The following ABCB5 variants were observed in gnomAD, a reference collection of about 807,000 sequenced individuals.
ABCB5 encodes ATP binding cassette subfamily B member 5, also known as ATP-binding cassette sub-family B member 5.
In ABCB5, 155 loss-of-function variants were observed where a neutral mutation model predicts 144.2. The observed-to-expected ratio is 1.08, with a 90% CI of 0.94 to 1.23. The LOEUF is 1.23. Among genes scored for constraint, ABCB5 ranks in the 50% most tolerant of loss-of-function variants. The pLI, the probability that ABCB5 is intolerant of heterozygous loss-of-function variation, is 0.00. For synonymous variants in ABCB5, 610 were observed against 528.6 expected (o/e 1.15, Z -2.11); for missense variants, 1,830 against 1,520.8 (o/e 1.20, Z -3.38).
intron 14 of ABCB5, among the ~76,000 whole-genome samples, chr7:20,676,167 TACACACAC>T (rs60855145): frequency 4.0e-5 from 5 of 124,524 alleles, no homozygotes; most frequent in South Asian, 2.4e-4. Flanking sequence ...CTACTACACA[TACACACAC>T]ACACACACAC....
Position 20,728,470 on chromosome 7 carries a change from T to C in ABCB5, c.2867+15T>C, listed in dbSNP as rs1361096518. The C allele has an allele frequency of 5.0e-6, 8 of 1,613,292 alleles. No homozygotes were observed. The highest frequency in any genetic ancestry group is 3.3e-5 in the South Asian group (3 of 91,050). On this transcript the variant is annotated intron_variant, in intron 23 of 27. Coordinates refer to ENST00000404938, the MANE Select transcript of ABCB5 (RefSeq NM_001163941.2). ...GGCATGTTCATGTAAGTCGTGGAAA[T>C]AGTCCGGACCTGGTAGCTCACACCT...
At chr7:20,655,643 G>C (rs1040277012) in intron 13 of ABCB5, among the ~76,000 whole-genome samples, 2 of 152,190 alleles carry the variant, frequency 1.3e-5, no homozygotes, top group Non-Finnish European at 2.9e-5. Context: ...ATATTATGCT[G>C]ATAGACATGA....
In ABCB5 at chr7:20,650,145, T is replaced by C; in HGVS notation, c.1330T>C (p.Phe444Leu). The part of the protein sequence containing the change: ...LQRLYDPDDG[F>L]IMVDENDIRA... Reference sequence around the variant, plus strand: ...GAGGTTATATGATCCGGATGATGGCTTTGTAAGTGCAGCTAGCAAAACCAT... The same window carrying C: ...GAGGTTATATGATCCGGATGATGGCCTTGTAAGTGCAGCTAGCAAAACCAT... Residue 444 changes from phenylalanine (F) to leucine (L), a missense_variant and splice_region_variant, in exon 12 of 28, where the codon TTT becomes CTT. By Grantham distance (22) the Phe-to-Leu change is conservative (BLOSUM62 0). Coordinates refer to ENST00000404938, the MANE Select transcript of ABCB5 (RefSeq NM_001163941.2). The C allele has an allele frequency of 6.2e-7, 1 of 1,613,380 alleles. No homozygotes were observed. Among genetic ancestry groups the C allele is most frequent in the Non-Finnish European group, 8.5e-7 (1 of 1,179,478 alleles).
chr7:20,731,293 C>T (rs543318490), intron 23 of ABCB5, among the ~76,000 whole-genome samples: 1 of 148,738 alleles, frequency 6.7e-6, no homozygotes, highest in South Asian at 2.1e-4. Flanking sequence ...GTGGAGGTTG[C>T]AGTGAGCCGA....
intron 23 of ABCB5, among the ~76,000 whole-genome samples, chr7:20,728,907 T>A (rs963354866): frequency 6.6e-6 from 1 of 152,186 alleles, no homozygotes; most frequent in Non-Finnish European, 1.5e-5. Context: ...TAAGTTGGAA[T>A]TTTTTTAAAT....
rs769927247 is a variant in ABCB5, at chr7:20,658,543, T to C, written c.1574T>C (p.Met525Thr). 2.5e-5 allele frequency: 40 copies of C among 1,614,024 alleles called. No homozygotes were observed. The highest frequency in any genetic ancestry group is 3.2e-5 in the Non-Finnish European group (38 of 1,180,022). The change falls in exon 14 of 28, where the codon ATG becomes ACG. Residue 525 changes from methionine to threonine, a missense_variant. Coordinates refer to ENST00000404938, the MANE Select transcript of ABCB5 (RefSeq NM_001163941.2). ...TTGGTAGGGGAAAAAGGAGCTCAAATGAGTGGAGGGCAGAAACAGAGGATC... is the reference window on the plus strand; with the variant it reads ...TTGGTAGGGGAAAAAGGAGCTCAAACGAGTGGAGGGCAGAAACAGAGGATC... ...NTLVGEKGAQ[M>T]SGGQKQRIAI...
chr7:20,705,283 T>A (rs1262873154), intron 20 of ABCB5, among the ~76,000 whole-genome samples: 1 of 152,226 alleles, frequency 6.6e-6, no homozygotes, highest in East Asian at 1.9e-4. Context: ...AAGAATTGTG[T>A]AATCATGACC....
chr7:20,731,101 T>A (rs1049822290), intron 23 of ABCB5, among the ~76,000 whole-genome samples: 1 of 151,918 alleles, frequency 6.6e-6, no homozygotes, highest in Non-Finnish European at 1.5e-5. Context: ...ATGCCTGTAG[T>A]CCCAACACTT....
chr7:20,727,057 G>A lies in ABCB5; in HGVS notation c.2643G>A (p.Leu881=). Residue 881 remains leucine, a synonymous_variant, in exon 22 of 28, where the codon TTG becomes TTA. Transcript: ENST00000404938. ...TTTATAAGATAGCAACTGAAGCTTT[G>A]GAGAATATACGTACTATAGTGTCAT... ...KHAGKIATEA[L]ENIRTIVSLT... is the part of the protein sequence containing the mutation. 1 of 1,611,730 alleles carries A rather than the reference G, an allele frequency of 6.2e-7. No individual in the cohort carries two copies. Among genetic ancestry groups the A allele is most frequent in the Non-Finnish European group, 8.5e-7 (1 of 1,178,934 alleles).
Position 20,664,185 on chromosome 7 carries a change from T to C in ABCB5, c.1707+5509T>C, listed in dbSNP as rs115749240. 5.5e-3 allele frequency among the ~76,000 whole-genome samples: 832 copies of C among 152,298 alleles called. 7 individuals carry two copies. The highest frequency in any genetic ancestry group is 0.018 in the African/African-American group (768 of 41,558). ...ATACCCTTTAAAATGGCTATAATGG[T>C]AAATTCTGTATTATGCATATTTTTC... On this transcript the variant is annotated intron_variant, in intron 14 of 27. Transcript: ENST00000404938.
chr7:20,742,125 G>A (rs1782581145), intron 24 of ABCB5, among the ~76,000 whole-genome samples: 1 of 152,214 alleles, frequency 6.6e-6, no homozygotes, highest in African/African-American at 2.4e-5. Context: ...TGTAATCCCA[G>A]CACTTCGGGA....
rs749773246 is a variant in ABCB5 at position 20,698,465 on chromosome 7, C to A, written c.2069C>A (p.Pro690His). The A allele has an allele frequency of 1.6e-5, 25 of 1,598,306 alleles. No individual in the cohort carries two copies. Among genetic ancestry groups the A allele is most frequent in the Non-Finnish European group, 2.1e-5 (25 of 1,174,450 alleles). The change falls in exon 17 of 28, where the codon CCT (proline) becomes CAT (histidine). Residue 690 changes from proline to histidine, a missense_variant. Coordinates refer to ENST00000404938, the MANE Select transcript of ABCB5 (RefSeq NM_001163941.2). ...KILKLNKPEW[P>H]FVVLGTLASV... ...TTAAAGTTAAACAAGCCTGAATGGC[C>A]TTTTGTGGTTCTGGGGACATTGGCT... is the stretch of plus-strand genomic sequence containing the variant.
chr7:20,647,780 G>A (rs1193306474), intron 10 of ABCB5, 132 bp downstream of exon 10: 1 of 1,377,620 alleles, frequency 7.3e-7, no homozygotes, highest in African/African-American at 1.5e-5. Context: ...ATGGGAAAGA[G>A]AGACTGCCTT....
chr7:20,698,847 C>A (rs1030537609), intron 17 of ABCB5, among the ~76,000 whole-genome samples: 3 of 152,154 alleles, frequency 2.0e-5, no homozygotes, highest in African/African-American at 7.2e-5. Context: ...ATAAAATAGG[C>A]AAATACAACT....
intron 14 of ABCB5, among the ~76,000 whole-genome samples, chr7:20,674,644 T>A (rs1392231470): frequency 1.3e-5 from 2 of 151,140 alleles, no homozygotes; most frequent in Non-Finnish European, 3.0e-5. Flanking sequence ...GTCCTGAAAT[T>A]CTTAGCCAGG....
chr7:20,755,439 G>T lies in ABCB5; in HGVS notation c.3589G>T (p.Ala1197Ser), dbSNP rs762982261. The change falls in exon 28 of 28, where the codon GCC (alanine) becomes TCC (serine). Residue 1197 changes from alanine to serine, a missense_variant. By Grantham distance (99) the Ala-to-Ser change is moderately conservative. Coordinates refer to ENST00000404938, the MANE Select transcript of ABCB5 (RefSeq NM_001163941.2). ...DNDSEKVVQH[A>S]LDKARTGRTC... ...TTCTCTCTTCCAGGTGGTTCAGCAT[G>T]CCCTTGATAAAGCCAGGACGGGAAG... 2.5e-6 allele frequency: 4 copies of T among 1,614,076 alleles called. No individual in the cohort carries two copies. In the East Asian group the frequency reaches 8.9e-5, roughly 36 times the overall value.
intron 15 of ABCB5, among the ~76,000 whole-genome samples, chr7:20,684,495 T>C (rs753759645): frequency 2.0e-5 from 3 of 152,230 alleles, no homozygotes; most frequent in Non-Finnish European, 4.4e-5. Context: ...GGCTGGTTCC[T>C]GTAATCCCAG....
In ABCB5 at chr7:20,648,144, C is replaced by T. The variant is rs1784469857; in HGVS notation, c.1206+66C>T. On this transcript the variant is annotated intron_variant, in intron 11 of 27. Transcript: ENST00000404938. ...ATTATCTTCTACTGGCCAAGATCTT[C>T]TCTGACATGATTACTTAGGATCACT... The T allele has an allele frequency of 5.1e-6, 5 of 975,164 alleles. No homozygotes were observed. In the East Asian group the frequency reaches 1.2e-4, roughly 24 times the overall value. The allele number at this position is 975,164 out of a possible 1,614,324, so 60.4% of individuals were successfully genotyped here.
intron 17 of ABCB5, 74 bp from the exon 18 acceptor site, chr7:20,699,751 T>C: frequency 1.0e-6 from 1 of 961,434 alleles, no homozygotes; most frequent in Admixed American, 2.5e-5. Context: ...ACTCCTGATA[T>C]ACAGAAATTT....
Sources: allele counts gnomAD v4.1 joint callset (sites outside exome capture counted in the v4.1 genomes callset), GRCh38; gene constraint gnomAD v4.1.1; transcripts MANE v1.5; gene names NCBI Gene and HGNC (gene_info 2026-07-23, HGNC 2026-07-21).